Variants in RUVBL1 observed in about 807,000 individuals in gnomAD.
The protein encoded by RUVBL1 is ruvB-like 1.
Under a neutral mutation model 52.4 loss-of-function variants are expected in RUVBL1, and 4 were observed. The observed-to-expected ratio is 0.08, with a 90% CI of 0.04 to 0.17. The LOEUF (loss-of-function observed/expected upper bound fraction) is 0.17. Among genes scored for constraint, RUVBL1 ranks in the 10% least tolerant of loss-of-function variants. RUVBL1 has a pLI of 1.00. For synonymous variants in RUVBL1, 217 were observed against 214.4 expected (o/e 1.01, Z -0.10); for missense variants, 298 against 572.8 (o/e 0.52, Z 4.90).
chr3:128,133,676 T>A (rs1380398443), intron 1 of RUVBL1, among the ~76,000 whole-genome samples: 1 of 152,256 alleles, frequency 6.6e-6, no homozygotes, highest in East Asian at 1.9e-4. Context: ...CACAGCTTTA[T>A]TGGGCTTGGG....
At chr3:128,112,553 C>A (rs79559096) in intron 3 of RUVBL1, among the ~76,000 whole-genome samples, 55 of 152,248 alleles carry the variant, frequency 3.6e-4, no homozygotes, top group Non-Finnish European at 6.2e-4. Context: ...TGGCTTGAGT[C>A]CAAAACCTTT....
chr3:128,126,048 G>C (rs1943784649), upstream of RUVBL1, among the ~76,000 whole-genome samples: 1 of 152,224 alleles, frequency 6.6e-6, no homozygotes, highest in Admixed American at 6.5e-5. Flanking sequence ...TTAGAGCACA[G>C]AGGAATATCC....
At chr3:128,130,325 G>A (rs571792945) in intron 1 of RUVBL1, among the ~76,000 whole-genome samples, 12 of 152,124 alleles carry the variant, frequency 7.9e-5, no homozygotes, top group African/African-American at 2.9e-4. Flanking sequence ...ACTGTGAACA[G>A]ACTACCAAAA....
rs1942510315 is a variant in RUVBL1, at chr3:128,082,541, T to C, written c.1153A>G (p.Asn385Asp). 1 of 1,613,726 alleles carries C rather than the reference T, an allele frequency of 6.2e-7. No homozygotes were observed. The highest frequency in any genetic ancestry group is 1.3e-5 in the African/African-American group (1 of 74,928). Residue 385 changes from asparagine (N) to aspartate (D), a missense_variant, in exon 10 of 11, where the codon AAC (asparagine) becomes GAC (aspartate). Coordinates refer to ENST00000322623, the MANE Select transcript of RUVBL1 (RefSeq NM_003707.3). This position sits in a 1 kb window ranked among gnomAD's most constrained non-coding sequence, Gnocchi z 4.7. ...IKIRAQTEGINISEEALNHLG... is the reference protein window; with the variant it reads ...IKIRAQTEGIDISEEALNHLG... ...TGGTTCAGTGCCTCCTCACTGATGT[T>C]GATTCCTTCCGTCTGGGCACGGATT... is the stretch of plus-strand genomic sequence containing the variant.
At chr3:128,101,079 T>C (rs1243859193) in intron 5 of RUVBL1, among the ~76,000 whole-genome samples, 1 of 152,228 alleles carries the variant, frequency 6.6e-6, no homozygotes, top group African/African-American at 2.4e-5. Flanking sequence ...AGGTGGATGA[T>C]TTATTGTATG....
chr3:128,073,819 A>G (rs1942237063), intron 9 of RUVBL1, among the ~76,000 whole-genome samples: 2 of 152,228 alleles, frequency 1.3e-5, no homozygotes, highest in South Asian at 4.1e-4. Context: ...AGCACAGCTC[A>G]ATAAGGCTAG....
chr3:128,116,962 G>C (rs1043920780), intron 2 of RUVBL1, among the ~76,000 whole-genome samples: 1 of 152,182 alleles, frequency 6.6e-6, no homozygotes, highest in Non-Finnish European at 1.5e-5. Flanking sequence ...TGATGGCACC[G>C]TGGTCATGTA....
chr3:128,090,874 T>C (rs928601606), intron 8 of RUVBL1, among the ~76,000 whole-genome samples: 1 of 151,984 alleles, frequency 6.6e-6, no homozygotes, highest in Admixed American at 6.6e-5. Flanking sequence ...GACAAAAATA[T>C]CCAAAATTCT....
intron 3 of RUVBL1, among the ~76,000 whole-genome samples, chr3:128,107,089 G>A (rs1318115201): frequency 6.6e-6 from 1 of 152,130 alleles, no homozygotes; most frequent in African/African-American, 2.4e-5. Context: ...ATACCAGTGG[G>A]ACCCGGTGAA....
At chr3:128,091,946 G>A (rs1246164260) in intron 8 of RUVBL1, among the ~76,000 whole-genome samples, 2 of 152,172 alleles carry the variant, frequency 1.3e-5, no homozygotes, top group Non-Finnish European at 2.9e-5. Context: ...AAGCTTTTCT[G>A]CTGACAGAAA....
chr3:128,127,975 C>A (rs1331676900), upstream of RUVBL1, among the ~76,000 whole-genome samples: 1 of 151,976 alleles, frequency 6.6e-6, no homozygotes, highest in East Asian at 1.9e-4. Flanking sequence ...CCAGCCTGGG[C>A]GACAGAGTGA....
chr3:128,097,180 A>G lies in RUVBL1; in HGVS notation c.1016+120T>C, dbSNP rs987169136. ...AAGCCACTTGGCACATTTTCCCTCA[A>G]AAACAACATGACCTCCCCTCATCCC... On this transcript the variant is annotated intron_variant, in intron 8 of 10. Coordinates refer to ENST00000322623, the MANE Select transcript of RUVBL1 (RefSeq NM_003707.3). The G allele has an allele frequency of 3.9e-6, 4 of 1,017,024 alleles. No individual in the cohort carries two copies. In the African/African-American group the frequency reaches 6.5e-5, roughly 16 times the overall value. 63.0% of individuals were successfully genotyped at this position (1,017,024 alleles called of 1,614,324 possible).
At chr3:128,091,898 T>A (rs1486732462) in intron 8 of RUVBL1, among the ~76,000 whole-genome samples, 1 of 152,202 alleles carries the variant, frequency 6.6e-6, no homozygotes, top group Non-Finnish European at 1.5e-5. Context: ...AAATGCTTCT[T>A]TATGTAATCC....
intron 1 of RUVBL1, among the ~76,000 whole-genome samples, chr3:128,145,151 A>G (rs1313764340): frequency 6.6e-6 from 1 of 152,140 alleles, no homozygotes; most frequent in African/African-American, 2.4e-5. Context: ...AAATTCACAA[A>G]CTCTGATATA....
intron 5 of RUVBL1, 76 bp downstream of exon 5, chr3:128,101,483 A>G (rs1943107100): frequency 2.9e-6 from 4 of 1,397,828 alleles, no homozygotes; most frequent in Admixed American, 1.7e-5. Context: ...CTCTGAAGAA[A>G]GCAACTCCCT....
At chr3:128,136,430 A>G (rs1943947756) in intron 1 of RUVBL1, among the ~76,000 whole-genome samples, 1 of 152,112 alleles carries the variant, frequency 6.6e-6, no homozygotes, top group African/African-American at 2.4e-5. Flanking sequence ...GTTTGAGACT[A>G]GCCTGCGCAA....
intron 7 of RUVBL1, 55 bp downstream of exon 7, chr3:128,098,827 G>C (rs1697734406): frequency 7.4e-6 from 11 of 1,485,758 alleles, no homozygotes; most frequent in Non-Finnish European, 9.4e-6. Flanking sequence ...GAGCATCTCA[G>C]AATGTGGGGC....
chr3:128,113,304 A>G (rs1409427841), intron 2 of RUVBL1, among the ~76,000 whole-genome samples: 1 of 152,240 alleles, frequency 6.6e-6, no homozygotes, highest in Non-Finnish European at 1.5e-5. Flanking sequence ...AGCCTATGAA[A>G]TAGACACTAG....
chr3:128,095,641 G>A (rs182464470), intron 8 of RUVBL1, among the ~76,000 whole-genome samples: 17 of 152,322 alleles, frequency 1.1e-4, no homozygotes, highest in Non-Finnish European at 1.6e-4. Flanking sequence ...GAAAGAAACC[G>A]CCTGAGGGGG....
Sources: gnomAD v4.1 joint callset for allele counts (sites outside exome capture counted in the v4.1 genomes callset) on GRCh38, gnomAD v4.1.1 for gene constraint, Gnocchi (gnomAD v3.1) non-coding constraint, MANE v1.5 for transcripts, NCBI Gene and HGNC (gene_info 2026-07-23, HGNC 2026-07-21) for gene names.